The following NPAS3 variants were observed in gnomAD, a reference collection of about 807,000 sequenced individuals.
NPAS3 encodes the protein neuronal PAS domain protein 3.
A neutral mutation model predicts 73.1 loss-of-function variants in NPAS3; 14 were observed. That is an observed-to-expected ratio of 0.19 (90% confidence interval 0.13 to 0.30). NPAS3 has a LOEUF of 0.30. NPAS3 is among the 10% of genes least tolerant of loss of function. The pLI, the probability that NPAS3 is intolerant of heterozygous loss-of-function variation, is 1.00. For synonymous variants in NPAS3, 620 were observed against 541.5 expected (o/e 1.14, Z -2.01); for missense variants, 1,096 against 1,250.0 (o/e 0.88, Z 1.86).
At chr14:33,343,115 C>T (rs150485980) in intron 3 of NPAS3, among the ~76,000 whole-genome samples, 6 of 152,246 alleles carry the variant, frequency 3.9e-5, no homozygotes, top group African/African-American at 9.6e-5. Context: ...ATTGAAATTC[C>T]GCAAATAACA....
At chr14:33,184,149 C>T (rs2045901093) in intron 2 of NPAS3, among the ~76,000 whole-genome samples, 1 of 152,116 alleles carries the variant, frequency 6.6e-6, no homozygotes, top group Non-Finnish European at 1.5e-5. Flanking sequence ...TTTGAGCTTT[C>T]TGTGATTGGT....
intron 1 of NPAS3, among the ~76,000 whole-genome samples, chr14:33,035,690 A>T (rs1485148815): frequency 6.6e-6 from 1 of 152,170 alleles, no homozygotes; most frequent in African/African-American, 2.4e-5. Flanking sequence ...TTGCCAAGGG[A>T]TATTTTGGAA....
chr14:33,683,848 C>G (rs553397640), intron 6 of NPAS3, among the ~76,000 whole-genome samples: 1 of 152,336 alleles, frequency 6.6e-6, no homozygotes, highest in African/African-American at 2.4e-5. Context: ...AACGCTTACC[C>G]AGGCCACTGT....
At chr14:33,511,690 T>C (rs921384051) in intron 4 of NPAS3, among the ~76,000 whole-genome samples, 1 of 152,082 alleles carries the variant, frequency 6.6e-6, no homozygotes, top group African/African-American at 2.4e-5. Flanking sequence ...CCAAGAATTT[T>C]ATGGGAAATA....
intron 2 of NPAS3, among the ~76,000 whole-genome samples, chr14:33,132,518 T>C (rs2043678751): frequency 1.3e-5 from 2 of 152,084 alleles, no homozygotes; most frequent in South Asian, 4.2e-4. Flanking sequence ...GAGATGGAAA[T>C]TGAGATTGAT....
At chr14:33,449,297 G>C (rs2049675132) in intron 4 of NPAS3, among the ~76,000 whole-genome samples, 1 of 152,172 alleles carries the variant, frequency 6.6e-6, no homozygotes, top group Admixed American at 6.5e-5. Context: ...TAGTACAAAA[G>C]TAAGTGGACT....
chr14:33,616,439 G>A (rs988510599), intron 5 of NPAS3, among the ~76,000 whole-genome samples: 4 of 152,138 alleles, frequency 2.6e-5, no homozygotes, highest in South Asian at 2.1e-4. Context: ...ATGCCAAGGC[G>A]GGAGGGGAAG....
At chr14:33,367,409 A>G (rs979759988) in intron 4 of NPAS3, 141 bp downstream of exon 4, 10 of 535,364 alleles carry the variant, frequency 1.9e-5, no homozygotes, top group South Asian at 1.1e-4. Flanking sequence ...CGAAATTCTT[A>G]TGAGTTTATT....
intron 6 of NPAS3, among the ~76,000 whole-genome samples, chr14:33,732,731 C>A (rs2061430312): frequency 6.6e-6 from 1 of 152,166 alleles, no homozygotes; most frequent in Admixed American, 6.5e-5. Context: ...TTAACACTCC[C>A]CGCTTACACC....
intron 3 of NPAS3, among the ~76,000 whole-genome samples, chr14:33,233,159 C>T (rs953597551): frequency 6.6e-6 from 1 of 152,076 alleles, no homozygotes; most frequent in African/African-American, 2.4e-5. Context: ...ATGAATCTAC[C>T]TCAAGGACTT....
Position 33,042,070 on chromosome 14 carries a change from A to G in NPAS3, c.51-13835A>G, listed in dbSNP as rs1008177011. On this transcript the variant is annotated intron_variant, in intron 1 of 11. Coordinates refer to ENST00000356141, the Ensembl canonical transcript of NPAS3. ...AAAAGAAACCATAAATATCAGTTCT[A>G]TGGGGCAATTGGGCCGGTTTCAGTA... Among the ~76,000 whole-genome samples the G allele has an allele frequency of 2.6e-5, 4 of 152,142 alleles. No individual in the cohort carries two copies. In the East Asian group the frequency reaches 7.7e-4, roughly 29 times the overall value.
rs1362262264 is a variant in NPAS3 at position 33,000,336 on chromosome 14, G to T, written c.51-55569G>T. Among the ~76,000 whole-genome samples, 6 of 152,148 alleles carry T rather than the reference G, an allele frequency of 3.9e-5. No homozygotes were observed. The East Asian group carries it at 9.6e-4, about 24-fold the overall frequency. ...TATTTCAGGCTCAAATGCCGACTAA[G>T]TGTGGCAGGTTGTTTAGCCACTGTG... On this transcript the variant is annotated intron_variant, in intron 1 of 11. Transcript: ENST00000356141.
At chr14:33,693,489 T>C (rs2060290528) in intron 6 of NPAS3, among the ~76,000 whole-genome samples, 1 of 152,148 alleles carries the variant, frequency 6.6e-6, no homozygotes, top group Non-Finnish European at 1.5e-5. Flanking sequence ...TGTGGTAAAT[T>C]CAGTGAAATA....
At chr14:33,189,527 A>C (rs1011790003) in intron 2 of NPAS3, among the ~76,000 whole-genome samples, 1 of 152,204 alleles carries the variant, frequency 6.6e-6, no homozygotes, top group African/African-American at 2.4e-5. Context: ...ATTGTTGTGT[A>C]GCTTCAGAAT....
intron 5 of NPAS3, among the ~76,000 whole-genome samples, chr14:33,560,926 C>T (rs1027562360): frequency 6.6e-6 from 1 of 152,164 alleles, no homozygotes; most frequent in Non-Finnish European, 1.5e-5. Context: ...GCCAAAATAT[C>T]CTGAAGCAAG....
intron 2 of NPAS3, among the ~76,000 whole-genome samples, chr14:33,121,984 T>A (rs562782559): frequency 1.8e-4 from 28 of 152,300 alleles, no homozygotes; most frequent in African/African-American, 6.7e-4. Flanking sequence ...GTATTTTACT[T>A]ACAGTGTATT....
intron 2 of NPAS3, among the ~76,000 whole-genome samples, chr14:33,198,771 C>G (rs560983910): frequency 3.9e-5 from 6 of 152,292 alleles, no homozygotes; most frequent in African/African-American, 1.4e-4. Flanking sequence ...TAGATGGGAC[C>G]GGACGCCATG....
intron 7 of NPAS3, among the ~76,000 whole-genome samples, chr14:33,736,222 G>T (rs548908643): frequency 1.3e-5 from 2 of 152,170 alleles, no homozygotes; most frequent in Non-Finnish European, 2.9e-5. Context: ...GTGTTATCGC[G>T]GATGGTAACA....
chr14:33,165,853 C>T (rs1347405838), intron 2 of NPAS3, among the ~76,000 whole-genome samples: 1 of 152,150 alleles, frequency 6.6e-6, no homozygotes, highest in Non-Finnish European at 1.5e-5. Context: ...AATCCATATT[C>T]GGGGGCATGT....
Sources: allele counts gnomAD v4.1 joint callset (sites outside exome capture counted in the v4.1 genomes callset), GRCh38; gene constraint gnomAD v4.1.1; transcripts MANE v1.5; gene names NCBI Gene and HGNC (gene_info 2026-07-23, HGNC 2026-07-21).